BCL7C: variants seen among roughly 807,000 people sequenced by gnomAD.
BCL7C encodes the protein BAF chromatin remodeling complex subunit BCL7C.
BCL7C carries 8 observed loss-of-function variants against 26.2 expected under a neutral mutation model. That is an observed-to-expected ratio of 0.30 (90% CI 0.18 to 0.55). BCL7C has a LOEUF of 0.55. Among genes scored for constraint, BCL7C ranks in the 20% least tolerant of loss-of-function variants. The pLI, the probability that BCL7C is intolerant of heterozygous loss-of-function variation, is 0.93. For synonymous variants in BCL7C, 90 were observed against 116.5 expected (o/e 0.77, Z 1.47); for missense variants, 262 against 298.5 (o/e 0.88, Z 0.90).
chr16:30,846,784 T>G (rs1179257768), intron 5 of BCL7C, among the ~76,000 whole-genome samples: 1 of 152,214 alleles, frequency 6.6e-6, no homozygotes, highest in Non-Finnish European at 1.5e-5. Context: ...AATCACACCC[T>G]GGGCTTGAGC....
intron 5 of BCL7C, among the ~76,000 whole-genome samples, chr16:30,853,379 G>C (rs1213857071): frequency 6.6e-6 from 1 of 151,640 alleles, no homozygotes; most frequent in Admixed American, 6.6e-5. Flanking sequence ...CTTCCACATC[G>C]TGCCCCACTG....
Position 30,892,941 on chromosome 16 carries a change from C to T in BCL7C, c.179G>A (p.Arg60Lys). 2 of 1,612,512 alleles carry T rather than the reference C, an allele frequency of 1.2e-6. No homozygotes were observed. The highest frequency in any genetic ancestry group is 1.7e-6 in the Non-Finnish European group (2 of 1,179,660). The change falls in exon 3 of 6, where the codon AGG becomes AAG. Residue 60 changes from arginine (R) to lysine (K), a missense_variant. Transcript: ENST00000215115. ...PVVDPQEEER[R>K]RAGGGAERSR... ...TCTCTCTGCCCCGCCACCTGCCCGCCTTCGCTCCTGGGGGTTAGAGGATTA... is the reference window on the plus strand; with the variant it reads ...TCTCTCTGCCCCGCCACCTGCCCGCTTTCGCTCCTGGGGGTTAGAGGATTA...
intron 5 of BCL7C, among the ~76,000 whole-genome samples, chr16:30,847,975 G>T (rs2054646428): frequency 6.6e-6 from 1 of 151,838 alleles, no homozygotes; most frequent in South Asian, 2.1e-4. Context: ...TTAGACCAGT[G>T]AGGGGAGAAT....
chr16:30,875,277 T>G (rs898925370), intron 5 of BCL7C: 10 of 154,454 alleles, frequency 6.5e-5, no homozygotes, highest in African/African-American at 2.4e-4. Flanking sequence ...ACCCGCTTAC[T>G]GCAGGCCGCA....
chr16:30,887,432 G>A (rs569270080), downstream of BCL7C, among the ~76,000 whole-genome samples: 22 of 145,658 alleles, frequency 1.5e-4, no homozygotes, highest in African/African-American at 4.9e-4. Context: ...AGCCATGATC[G>A]CACCACTGCA....
Position 30,893,760 on chromosome 16 carries a change from C to G in BCL7C, c.92+93G>C, listed in dbSNP as rs2055297355. Reference sequence around the variant, plus strand: ...AGCTAGTGGGTGGAGATACACCGAACACCCGGGGCCCAGAGCTGGCGAGGG... The same window carrying G: ...AGCTAGTGGGTGGAGATACACCGAAGACCCGGGGCCCAGAGCTGGCGAGGG... On this transcript the variant is annotated intron_variant, in intron 1 of 5. Transcript: ENST00000215115. This position sits in a 1 kb window ranked among gnomAD's most constrained non-coding sequence, Gnocchi z 5.2. The G allele has an allele frequency of 8.8e-7, 1 of 1,132,846 alleles. No individual in the cohort carries two copies. Among genetic ancestry groups the G allele is most frequent in the East Asian group, 2.5e-5 (1 of 40,216 alleles). The allele number at this position is 1,132,846 out of a possible 1,614,324, so 70.2% of individuals were successfully genotyped here.
chr16:30,844,041 CAAAAAAA>C (rs533064710), intron 5 of BCL7C, among the ~76,000 whole-genome samples: 17 of 24,380 alleles, frequency 7.0e-4, no homozygotes, highest in East Asian at 3.9e-3. Context: ...GACTCTGCCT[CAAAAAAA>C]AAAAAAAAAA....
intron 5 of BCL7C, among the ~76,000 whole-genome samples, chr16:30,858,929 A>G (rs1227268760): frequency 1.3e-5 from 2 of 152,222 alleles, no homozygotes; most frequent in African/African-American, 4.8e-5. Context: ...CAAAAAGATT[A>G]GGTTACTTAT....
chr16:30,874,331 G>C (rs2054915340), intron 5 of BCL7C, among the ~76,000 whole-genome samples: 1 of 151,950 alleles, frequency 6.6e-6, no homozygotes, highest in South Asian at 2.1e-4. Context: ...GTTAATTAAA[G>C]GGTAGCCAGG....
intron 5 of BCL7C, among the ~76,000 whole-genome samples, chr16:30,854,590 A>G (rs1479426887): frequency 6.6e-6 from 1 of 152,138 alleles, no homozygotes; most frequent in Non-Finnish European, 1.5e-5. Context: ...GGGAAGTTTC[A>G]TCCATATTGA....
chr16:30,873,133 T>C (rs903546506), intron 5 of BCL7C, among the ~76,000 whole-genome samples: 1 of 152,160 alleles, frequency 6.6e-6, no homozygotes, highest in African/African-American at 2.4e-5. Context: ...GAAATTATCA[T>C]GTACCCAAGA....
chr16:30,865,830 G>A (rs2054821094), intron 5 of BCL7C, among the ~76,000 whole-genome samples: 2 of 147,644 alleles, frequency 1.4e-5, no homozygotes, highest in Non-Finnish European at 3.0e-5. Flanking sequence ...AGGTTCAAGC[G>A]ATTCTCCTGC....
At chr16:30,846,748 G>A (rs2054638900) in intron 5 of BCL7C, among the ~76,000 whole-genome samples, 1 of 152,212 alleles carries the variant, frequency 6.6e-6, no homozygotes, top group Admixed American at 6.5e-5. Context: ...AGACAGACCT[G>A]TGGAGATGGA....
intron 5 of BCL7C, among the ~76,000 whole-genome samples, chr16:30,835,800 C>T (rs1042216067): frequency 6.6e-6 from 1 of 151,792 alleles, no homozygotes; most frequent in African/African-American, 2.4e-5. Context: ...GAGCCGAGAT[C>T]GCACCACTGC....
intron 5 of BCL7C, among the ~76,000 whole-genome samples, chr16:30,847,529 C>T (rs2054643324): frequency 6.6e-6 from 1 of 152,184 alleles, no homozygotes; most frequent in African/African-American, 2.4e-5. Context: ...GGCACAGTGG[C>T]TCACACCTGT....
intron 5 of BCL7C, among the ~76,000 whole-genome samples, chr16:30,864,268 C>G (rs2151374040): frequency 6.6e-6 from 1 of 152,264 alleles, no homozygotes; most frequent in South Asian, 2.1e-4. Context: ...GCCAACCAAG[C>G]AAATAATTAT....
At chr16:30,855,532 T>G (rs2054713061) in intron 5 of BCL7C, among the ~76,000 whole-genome samples, 1 of 152,020 alleles carries the variant, frequency 6.6e-6, no homozygotes, top group Admixed American at 6.6e-5. Flanking sequence ...CATGAGCCAC[T>G]GCACCTGGCC....
intron 5 of BCL7C, chr16:30,851,939 T>A (rs180941940): frequency 7.1e-4 from 128 of 181,204 alleles, no homozygotes; most frequent in East Asian, 2.9e-3. Flanking sequence ...ACGATTTTTT[T>A]AATTTTTGGT....
chr16:30,867,501 T>A (rs1239092148), intron 5 of BCL7C, among the ~76,000 whole-genome samples: 1 of 152,048 alleles, frequency 6.6e-6, no homozygotes, highest in Non-Finnish European at 1.5e-5. Flanking sequence ...GGGGGCACAA[T>A]GTAATCATGT....
Sources: gnomAD v4.1 joint callset for allele counts (sites outside exome capture counted in the v4.1 genomes callset) on GRCh38, gnomAD v4.1.1 for gene constraint, Gnocchi (gnomAD v3.1) non-coding constraint, MANE v1.5 for transcripts, NCBI Gene and HGNC (gene_info 2026-07-23, HGNC 2026-07-21) for gene names.